ZNF229: variants seen among roughly 807,000 people sequenced by gnomAD.
ZNF229 encodes zinc finger protein 229.
A neutral mutation model predicts 11.8 loss-of-function variants in ZNF229; 10 were observed. The observed-to-expected ratio is 0.85, with a 90% CI of 0.52 to 1.44. The LOEUF (loss-of-function observed/expected upper bound fraction) is 1.44, where lower values mean the gene tolerates loss of function less well. Ranked by LOEUF, ZNF229 falls within the 40% of genes most tolerant of loss-of-function variation. The probability of loss-of-function intolerance (pLI) is 0.00; values close to 1 mark genes in which losing one functional copy is unlikely to be tolerated. For synonymous variants in ZNF229, 368 were observed against 374.8 expected (o/e 0.98, Z 0.21); for missense variants, 1,045 against 1,015.1 (o/e 1.03, Z -0.40).
At position 44,442,999 on chromosome 19, in the gene ZNF229, G is replaced by A. The variant is rs186424500; in HGVS notation, c.-152C>T. 25 of 886,752 alleles carry A rather than the reference G, an allele frequency of 2.8e-5. No homozygotes were observed. The highest frequency in any genetic ancestry group is 1.7e-4 in the African/African-American group (10 of 60,260). 54.9% of individuals were successfully genotyped at this position (886,752 alleles called of 1,614,324 possible). A position where few individuals can be genotyped will look rare whatever the true frequency, so the allele number is the denominator to read the frequency against. On this transcript the variant is annotated 5_prime_UTR_variant, in exon 3 of 6. Transcript: ENST00000614049. ...TGTCTCCACCTTTACTGTCCAGAGC[G>A]CGACTGCTTCCCATGGTCAGGGGAC...
At position 44,429,815 on chromosome 19, in the gene ZNF229, C is replaced by CT; in HGVS notation, c.965dup (p.Ser323GlufsTer3). 6.2e-7 allele frequency: 1 copy of CT among 1,613,976 alleles called. No homozygotes were observed. The highest frequency in any genetic ancestry group is 8.5e-7 in the Non-Finnish European group (1 of 1,179,980). On this transcript the variant is annotated frameshift_variant, in exon 6 of 6. Coordinates refer to ENST00000614049, the MANE Select transcript of ZNF229 (RefSeq NM_014518.4). LOFTEE classifies it low-confidence loss of function (END_TRUNC). ...TGACGCCCCGACCACGCTCAAGACT[C>CT]TTAACAGATTTCTCTCCTGTGGGAA...
Position 44,429,953 on chromosome 19 carries a change from G to A in ZNF229, c.828C>T (p.Asp276=), listed in dbSNP as rs61742026. Residue 276 remains aspartate (D), a synonymous_variant, in exon 6 of 6, where the codon GAC becomes GAT. Coordinates refer to ENST00000614049, the MANE Select transcript of ZNF229 (RefSeq NM_014518.4). ...KSNEYRNGFR[D]DADLPPHPRV... is the part of the protein sequence containing the mutation. The stretch of plus-strand genomic sequence containing the variant: ...TTGGATGCGGGGGAAGGTCTGCATC[G>A]TCCCTGAAGCCATTTCTGTATTCGT... 2,204 of 1,613,790 alleles carry A rather than the reference G, an allele frequency of 1.4e-3. 36 individuals carry two copies. In the African/African-American group the frequency reaches 0.024, roughly 18 times the overall value.
chr19:44,429,493 C>T lies in ZNF229; in HGVS notation c.1288G>A (p.Glu430Lys). The T allele has an allele frequency of 6.2e-7, 1 of 1,613,904 alleles. No homozygotes were observed. The highest frequency in any genetic ancestry group is 8.5e-7 in the Non-Finnish European group (1 of 1,179,984). The change falls in exon 6 of 6, where the codon GAG (glutamate) becomes AAG (lysine). Residue 430 changes from glutamate (E) to lysine (K), a missense_variant. Transcript: ENST00000614049. Reference protein sequence around the residue: ...LQVHQRLHTGEKPYTCSECGK... With the variant: ...LQVHQRLHTGKKPYTCSECGK... ...CACTCGCTGCAGGTGTAGGGCTTCT[C>T]CCCTGTGTGCAGCCTCTGATGGACT...
In ZNF229 at chr19:44,429,654, G is replaced by C. The variant is rs1971671514; in HGVS notation, c.1127C>G (p.Pro376Arg). 1 of 1,614,058 alleles carries C rather than the reference G, an allele frequency of 6.2e-7. No homozygotes were observed. The highest frequency in any genetic ancestry group is 1.3e-5 in the African/African-American group (1 of 74,962). The change falls in exon 6 of 6, where the codon CCC (proline) becomes CGC (arginine). Residue 376 changes from proline to arginine, a missense_variant. Transcript: ENST00000614049. The part of the protein sequence containing the change: ...IHQGVHTGRR[P>R]YKCEECGKAF... ...CTTCCCACACTCCTCACATTTATAG[G>C]GTCTCCTTCCTGTGTGCACCCCTTG...
Position 44,428,246 on chromosome 19 carries a change from G to C in ZNF229, c.*57C>G. 5.3e-6 allele frequency: 8 copies of C among 1,522,034 alleles called. No homozygotes were observed. Among genetic ancestry groups the C allele is most frequent in the Non-Finnish European group, 5.3e-6 (6 of 1,131,258 alleles). 94.3% of individuals were successfully genotyped at this position (1,522,034 alleles called of 1,614,324 possible). On this transcript the variant is annotated 3_prime_UTR_variant, in exon 6 of 6. Transcript: ENST00000614049. ...CACTTTCCTATGGTTTTTCTCCTGT[G>C]TTGGCTCTCAGATGGATAGAAAGCT...
chr19:44,444,553 C>T (rs55656030), intron 2 of ZNF229, among the ~76,000 whole-genome samples: 4,476 of 152,252 alleles, frequency 0.029, 78 homozygotes, highest in Middle Eastern at 0.065. Context: ...AGGCCTCCAC[C>T]GCAATGCCAC....
chr19:44,444,854 G>A (rs143476231), intron 2 of ZNF229, among the ~76,000 whole-genome samples: 64 of 152,120 alleles, frequency 4.2e-4, no homozygotes, highest in Middle Eastern at 3.4e-3. Context: ...AATTTTCCTT[G>A]TGCTTCCTCC....
intron 2 of ZNF229, among the ~76,000 whole-genome samples, chr19:44,445,222 G>A (rs995898219): frequency 2.0e-5 from 3 of 152,082 alleles, no homozygotes; most frequent in African/African-American, 7.3e-5. Context: ...ACACCATCAT[G>A]TCTCACCTGC....
intron 1 of ZNF229, among the ~76,000 whole-genome samples, chr19:44,447,843 G>A (rs1234978165): frequency 6.6e-6 from 1 of 152,132 alleles, no homozygotes; most frequent in South Asian, 2.1e-4. Flanking sequence ...CCCCTTTCAG[G>A]AGACAAGGAG....
Position 44,429,598 on chromosome 19 carries a change from G to A in ZNF229, c.1183C>T (p.His395Tyr), listed in dbSNP as rs1240983355. The change falls in exon 6 of 6, where the codon CAT becomes TAT. Residue 395 changes from histidine to tyrosine, a missense_variant. Coordinates refer to ENST00000614049, the MANE Select transcript of ZNF229 (RefSeq NM_014518.4). Reference sequence around the variant, plus strand: ...TTCTCTCCAGTGTGGACCCTCTGATGGACAAGCAGGTTTGAACTTCGACCA... The same window carrying A: ...TTCTCTCCAGTGTGGACCCTCTGATAGACAAGCAGGTTTGAACTTCGACCA... Reference protein sequence around the residue: ...AFGRSSNLLVHQRVHTGEKPY... With the variant: ...AFGRSSNLLVYQRVHTGEKPY... 3.1e-6 allele frequency: 5 copies of A among 1,614,078 alleles called. No individual in the cohort carries two copies. In the East Asian group the frequency reaches 1.1e-4, roughly 36 times the overall value.
chr19:44,437,077 C>A (rs889670497), intron 4 of ZNF229, among the ~76,000 whole-genome samples: 1 of 151,970 alleles, frequency 6.6e-6, no homozygotes, highest in Non-Finnish European at 1.5e-5. Context: ...AAGAAATGAA[C>A]TTAAATGTCA....
chr19:44,438,880 T>C (rs992141488), intron 4 of ZNF229, among the ~76,000 whole-genome samples: 12 of 152,308 alleles, frequency 7.9e-5, no homozygotes, highest in African/African-American at 2.6e-4. Context: ...TTTTGTGATA[T>C]CCTTTATAAT....
intron 4 of ZNF229, among the ~76,000 whole-genome samples, chr19:44,441,920 C>T (rs539514773): frequency 5.0e-5 from 7 of 139,166 alleles, no homozygotes; most frequent in African/African-American, 1.7e-4. Flanking sequence ...AAATCTTTGG[C>T]TGTCTGCTAG....
At chr19:44,438,961 G>A (rs1042646187) in intron 4 of ZNF229, among the ~76,000 whole-genome samples, 1 of 152,126 alleles carries the variant, frequency 6.6e-6, no homozygotes, top group African/African-American at 2.4e-5. Flanking sequence ...CCCAAAGAGT[G>A]GGTTGTGGGA....
chr19:44,444,212 T>C (rs1971966219), intron 2 of ZNF229, among the ~76,000 whole-genome samples: 1 of 151,926 alleles, frequency 6.6e-6, no homozygotes, highest in Non-Finnish European at 1.5e-5. Context: ...TGGACATGAG[T>C]TTCCACCCTT....
chr19:44,436,113 C>T (rs1458399614), intron 4 of ZNF229, among the ~76,000 whole-genome samples: 4 of 152,170 alleles, frequency 2.6e-5, no homozygotes, highest in African/African-American at 4.8e-5. Flanking sequence ...GCAATATTTA[C>T]AGGGAGACAT....
intron 4 of ZNF229, among the ~76,000 whole-genome samples, chr19:44,435,509 G>T (rs1015028447): frequency 6.6e-6 from 1 of 152,164 alleles, no homozygotes; most frequent in African/African-American, 2.4e-5. Flanking sequence ...ATTGCAACAA[G>T]GCCTGTGAAA....
At chr19:44,438,275 A>G (rs988086587) in intron 4 of ZNF229, among the ~76,000 whole-genome samples, 2 of 152,264 alleles carry the variant, frequency 1.3e-5, no homozygotes, top group African/African-American at 4.8e-5. Flanking sequence ...TATAGCCAAT[A>G]TACATATGAA....
chr19:44,448,002 C>T (rs1035386628), intron 1 of ZNF229, among the ~76,000 whole-genome samples: 1 of 152,200 alleles, frequency 6.6e-6, no homozygotes, highest in East Asian at 1.9e-4. Flanking sequence ...AGGACTTGCA[C>T]AGCGCTTAAT....
Sources: gnomAD v4.1 joint callset for allele counts (sites outside exome capture counted in the v4.1 genomes callset) on GRCh38, gnomAD v4.1.1 for gene constraint, MANE v1.5 for transcripts, NCBI Gene and HGNC (gene_info 2026-07-23, HGNC 2026-07-21) for gene names.